Variants in ZRANB3 observed in about 807,000 individuals in gnomAD.
ZRANB3 encodes zinc finger RANBP2-type containing 3.
Under a neutral mutation model 133.8 loss-of-function variants are expected in ZRANB3, and 125 were observed. The ratio of observed to expected loss-of-function variants is 0.93; its 90% CI spans 0.81 to 1.08. The LOEUF (loss-of-function observed/expected upper bound fraction) is 1.08, where lower values mean the gene tolerates loss of function less well. ZRANB3 is among the 50% of genes least tolerant of loss of function. The probability of loss-of-function intolerance (pLI) is 0.00; values close to 1 mark genes in which losing one functional copy is unlikely to be tolerated. For synonymous variants in ZRANB3, 387 were observed against 432.7 expected, an observed-to-expected ratio of 0.89 and a Z score of 1.31; for missense variants, 1,229 against 1,275.5, an observed-to-expected ratio of 0.96 and a Z score of 0.56.
intron 12 of ZRANB3, among the ~76,000 whole-genome samples, chr2:135,260,561 TGAA>T (rs1272811921): frequency 1.3e-5 from 2 of 149,890 alleles, no homozygotes; most frequent in African/African-American, 4.9e-5. Flanking sequence ...TTCAAATACT[TGAA>T]TAATATATAT....
At chr2:135,208,586 G>A (rs1212967921) in intron 18 of ZRANB3, among the ~76,000 whole-genome samples, 1 of 152,204 alleles carries the variant, frequency 6.6e-6, no homozygotes, top group Non-Finnish European at 1.5e-5. Context: ...CGGGGACAGA[G>A]CCCAGATTTA....
intron 2 of ZRANB3, among the ~76,000 whole-genome samples, chr2:135,484,091 G>C (rs949827162): frequency 3.3e-5 from 5 of 152,160 alleles, no homozygotes; most frequent in African/African-American, 1.2e-4. Flanking sequence ...ATATTTTGTT[G>C]ATTTGGGGTG....
At chr2:135,477,490 C>T (rs1277923858) in intron 2 of ZRANB3, among the ~76,000 whole-genome samples, 1 of 152,188 alleles carries the variant, frequency 6.6e-6, no homozygotes, top group Non-Finnish European at 1.5e-5. Context: ...CTCTTCCTTA[C>T]CTCCAAGGCC....
chr2:135,354,045 T>C (rs1685325893), intron 3 of ZRANB3, among the ~76,000 whole-genome samples: 1 of 152,108 alleles, frequency 6.6e-6, no homozygotes, highest in Non-Finnish European at 1.5e-5. Context: ...GTAAAATTAG[T>C]TGGATTATAC....
intron 2 of ZRANB3, among the ~76,000 whole-genome samples, chr2:135,404,959 A>T (rs914722942): frequency 6.6e-6 from 1 of 152,230 alleles, no homozygotes; most frequent in Non-Finnish European, 1.5e-5. Context: ...GATCAAATTC[A>T]CACATAACAA....
At chr2:135,258,670 A>G (rs2105103933) in intron 12 of ZRANB3, among the ~76,000 whole-genome samples, 1 of 152,320 alleles carries the variant, frequency 6.6e-6, no homozygotes, top group Admixed American at 6.5e-5. Context: ...TGTCCTTATC[A>G]ATTAGGCTAT....
rs1472048941 is a variant in ZRANB3 at position 135,454,488 on chromosome 2, T to C, written c.161+49841A>G. Among the ~76,000 whole-genome samples the C allele has an allele frequency of 2.6e-5, 4 of 152,130 alleles. No homozygotes were observed. In the South Asian group the frequency reaches 6.2e-4, roughly 24 times the overall value. On this transcript the variant is annotated intron_variant, in intron 2 of 20. Coordinates refer to ENST00000264159, the MANE Select transcript of ZRANB3 (RefSeq NM_032143.4). ...GGAATACAAGTGATTTCTGGTTATA[T>C]AGATTAATTGCAGAGTGGTAAAGCC... is the stretch of plus-strand genomic sequence containing the variant.
chr2:135,202,066 T>C (rs983195904), intron 20 of ZRANB3, among the ~76,000 whole-genome samples: 1 of 152,220 alleles, frequency 6.6e-6, no homozygotes, highest in Non-Finnish European at 1.5e-5. Flanking sequence ...CAAAAAAATT[T>C]AGATAAATAT....
At chr2:135,335,898 A>T (rs1296171970) in intron 6 of ZRANB3, among the ~76,000 whole-genome samples, 1 of 150,466 alleles carries the variant, frequency 6.6e-6, no homozygotes, top group African/African-American at 2.5e-5. Context: ...TTCCAGGGGG[A>T]AAAAAAAACA....
At chr2:135,481,037 C>A (rs1359368871) in intron 2 of ZRANB3, among the ~76,000 whole-genome samples, 6 of 151,842 alleles carry the variant, frequency 4.0e-5, no homozygotes, top group Non-Finnish European at 5.9e-5. Flanking sequence ...AGGTTGGTTC[C>A]AAGTCTTTGT....
chr2:135,429,083 G>A (rs913482901), intron 2 of ZRANB3, among the ~76,000 whole-genome samples: 17 of 152,120 alleles, frequency 1.1e-4, no homozygotes, highest in African/African-American at 2.2e-4. Context: ...ACACATACAC[G>A]CATATGTTCA....
Position 135,354,373 on chromosome 2 carries a change from C to T in ZRANB3, c.181-745G>A, listed in dbSNP as rs547413446. On this transcript the variant is annotated intron_variant, in intron 3 of 20. Coordinates refer to ENST00000264159, the MANE Select transcript of ZRANB3 (RefSeq NM_032143.4). ...AATCACAGCTGGCTGATGCAAAACT[C>T]GTATGAGATCCCAGGTCTCAGGTGT... Among the ~76,000 whole-genome samples, 140 of 152,272 alleles carry T rather than the reference C, an allele frequency of 9.2e-4. 1 individual carries two copies. The highest frequency in any genetic ancestry group is 2.6e-3 in the African/African-American group (107 of 41,568).
In ZRANB3 at chr2:135,198,429, G is replaced by C. The variant is rs1218316788; in HGVS notation, c.*1913C>G. The C allele has an allele frequency of 6.6e-6, 1 of 152,234 alleles. No homozygotes were observed. Among genetic ancestry groups the C allele is most frequent in the Non-Finnish European group, 1.5e-5 (1 of 68,070 alleles). 9.4% of individuals were successfully genotyped at this position (152,234 alleles called of 1,614,324 possible). ...GACGGGCCAGTCAGTGTCCTGTACA[G>C]CAAATGCTCAATGCTCCTTACGGCA... On this transcript the variant is annotated 3_prime_UTR_variant, in exon 21 of 21. Transcript: ENST00000264159.
intron 2 of ZRANB3, among the ~76,000 whole-genome samples, chr2:135,497,716 T>C (rs539567454): frequency 3.9e-5 from 6 of 152,312 alleles, no homozygotes; most frequent in African/African-American, 1.4e-4. Flanking sequence ...CAATAAATTG[T>C]GCTGGATCAA....
intron 2 of ZRANB3, among the ~76,000 whole-genome samples, chr2:135,465,740 A>G (rs1235125091): frequency 6.6e-6 from 1 of 152,230 alleles, no homozygotes; most frequent in East Asian, 1.9e-4. Context: ...CAACCTACAG[A>G]ATGGGAGAAA....
chr2:135,484,861 C>A (rs906837864), intron 2 of ZRANB3, among the ~76,000 whole-genome samples: 15 of 151,536 alleles, frequency 9.9e-5, no homozygotes, highest in Non-Finnish European at 2.1e-4. Flanking sequence ...CAGTGAAACC[C>A]CGCCTCTACT....
At chr2:135,439,502 TA>T (rs1236303531) in intron 2 of ZRANB3, among the ~76,000 whole-genome samples, 10 of 151,580 alleles carry the variant, frequency 6.6e-5, no homozygotes, top group African/African-American at 2.2e-4. Context: ...GGCTTTCCAC[TA>T]AAAAAAAATT....
chr2:135,405,095 C>A (rs576768564), intron 2 of ZRANB3, among the ~76,000 whole-genome samples: 1 of 152,092 alleles, frequency 6.6e-6, no homozygotes, highest in East Asian at 1.9e-4. Context: ...CAGAGACACA[C>A]ATAGGCTCAA....
chr2:135,374,264 G>A (rs1162943268), intron 3 of ZRANB3, among the ~76,000 whole-genome samples: 1 of 152,010 alleles, frequency 6.6e-6, no homozygotes, highest in African/African-American at 2.4e-5. Flanking sequence ...AAATTAGCTG[G>A]GTGTGGTGGC....
Sources: gnomAD v4.1 joint callset for allele counts (sites outside exome capture counted in the v4.1 genomes callset) on GRCh38, gnomAD v4.1.1 for gene constraint, MANE v1.5 for transcripts, NCBI Gene and HGNC (gene_info 2026-07-23, HGNC 2026-07-21) for gene names.